SEZ6L: variants seen among roughly 807,000 people sequenced by gnomAD.
SEZ6L encodes the protein seizure 6-like protein.
A neutral mutation model predicts 106.2 loss-of-function variants in SEZ6L; 37 were observed. The observed-to-expected ratio is 0.35, with a 90% confidence interval of 0.27 to 0.46. The LOEUF is 0.46. SEZ6L is among the 20% of genes least tolerant of loss of function. The pLI, the probability that SEZ6L is intolerant of heterozygous loss-of-function variation, is 1.00. For missense variants in SEZ6L, 1,172 were observed against 1,332.8 expected (o/e 0.88, Z 1.88); for synonymous variants, 541 against 570.4 (o/e 0.95, Z 0.73).
intron 13 of SEZ6L, among the ~76,000 whole-genome samples, chr22:26,370,850 A>C (rs1407884962): frequency 6.6e-6 from 1 of 151,994 alleles, no homozygotes; most frequent in African/African-American, 2.4e-5. Flanking sequence ...CAAAAAATCA[A>C]AAAATTAGCG....
chr22:26,246,244 C>A (rs1049802974), intron 1 of SEZ6L, among the ~76,000 whole-genome samples: 2 of 152,146 alleles, frequency 1.3e-5, no homozygotes, highest in Non-Finnish European at 2.9e-5. Flanking sequence ...TGAGTTCAGA[C>A]CCTTGTAAGA....
intron 1 of SEZ6L, among the ~76,000 whole-genome samples, chr22:26,206,299 C>T (rs1941267776): frequency 6.6e-6 from 1 of 152,166 alleles, no homozygotes; most frequent in South Asian, 2.1e-4. Context: ...ACCTCCTTTA[C>T]CCCCAATTCC....
At chr22:26,322,301 G>A (rs901274545) in intron 9 of SEZ6L, among the ~76,000 whole-genome samples, 8 of 152,144 alleles carry the variant, frequency 5.3e-5, no homozygotes, top group African/African-American at 1.2e-4. Flanking sequence ...TAGTAAAGAC[G>A]GAGCACACAC....
At chr22:26,183,735 G>T (rs891008556) in intron 1 of SEZ6L, among the ~76,000 whole-genome samples, 1 of 152,144 alleles carries the variant, frequency 6.6e-6, no homozygotes, top group African/African-American at 2.4e-5. Flanking sequence ...TATATCCTGA[G>T]CAGAACTGCA....
intron 5 of SEZ6L, among the ~76,000 whole-genome samples, chr22:26,302,643 T>C (rs1369394788): frequency 6.6e-6 from 1 of 152,232 alleles, no homozygotes; most frequent in East Asian, 1.9e-4. Flanking sequence ...AGAATTTTTC[T>C]TTCTTTTTTT....
intron 1 of SEZ6L, among the ~76,000 whole-genome samples, chr22:26,174,177 C>A (rs533755626): frequency 6.6e-6 from 1 of 152,108 alleles, no homozygotes; most frequent in Non-Finnish European, 1.5e-5. Flanking sequence ...TGGGACCTCA[C>A]GTGGATGTGT....
intron 10 of SEZ6L, among the ~76,000 whole-genome samples, chr22:26,342,463 G>A (rs3788393): frequency 0.26 from 39,195 of 151,504 alleles, 5,679 homozygotes; most frequent in East Asian, 0.39. Context: ...GCTGAGGCGG[G>A]CAGATTACGA....
chr22:26,335,451 G>A (rs2082616245), intron 9 of SEZ6L, among the ~76,000 whole-genome samples: 1 of 152,160 alleles, frequency 6.6e-6, no homozygotes, highest in African/African-American at 2.4e-5. Flanking sequence ...AAAGGGCATG[G>A]GAGGTAAGGG....
At chr22:26,306,713 C>T (rs1311213164) in intron 6 of SEZ6L, among the ~76,000 whole-genome samples, 5 of 152,150 alleles carry the variant, frequency 3.3e-5, no homozygotes, top group Admixed American at 6.5e-5. Flanking sequence ...CAGTATTATT[C>T]TAGAATATTT....
intron 5 of SEZ6L, 91 bp from the exon 6 acceptor site, chr22:26,305,888 T>TTCTC (rs3070663): frequency 7.5e-6 from 9 of 1,195,254 alleles, no homozygotes; most frequent in Non-Finnish European, 8.2e-6. Context: ...ACTCACTTCC[T>TTCTC]TCTCTCTCTC....
In SEZ6L at chr22:26,245,199, C is replaced by T. The variant is rs78032302; in HGVS notation, c.95-47207C>T. 8.7e-3 allele frequency among the ~76,000 whole-genome samples: 1,331 copies of T among 152,216 alleles called. 12 individuals carry two copies. The highest frequency in any genetic ancestry group is 0.014 in the Non-Finnish European group (932 of 68,004). ...AGGTCTGAGAAGGGATGAAGGGTTT[C>T]CATGGCAACCTTTTGCTTGCCTGTA... On this transcript the variant is annotated intron_variant, in intron 1 of 16. Transcript: ENST00000248933.
intron 12 of SEZ6L, 24 bp from the exon 13 acceptor site, chr22:26,365,348 A>G (rs2083770746): frequency 6.3e-7 from 1 of 1,590,672 alleles, no homozygotes; most frequent in East Asian, 2.3e-5. Flanking sequence ...ATCTCATCAG[A>G]GCTCCTTCTG....
At chr22:26,347,669 C>G in intron 10 of SEZ6L, 50 bp from the exon 11 acceptor site, 2 of 1,508,464 alleles carry the variant, frequency 1.3e-6, no homozygotes, top group Non-Finnish European at 1.8e-6. Context: ...AAGGAGGCCC[C>G]GACAACAAGA....
At chr22:26,229,903 G>T (rs1248379948) in intron 1 of SEZ6L, among the ~76,000 whole-genome samples, 2 of 152,226 alleles carry the variant, frequency 1.3e-5, no homozygotes, top group Non-Finnish European at 2.9e-5. Context: ...AGGTCCTGCA[G>T]CTATTCCAGA....
At chr22:26,296,617 A>G (rs1342217236) in intron 3 of SEZ6L, among the ~76,000 whole-genome samples, 1 of 152,184 alleles carries the variant, frequency 6.6e-6, no homozygotes, top group Non-Finnish European at 1.5e-5. Context: ...CCCCTCTTAC[A>G]GGACACAGCA....
rs1254271534 is a variant in SEZ6L, at chr22:26,340,425, T to C, written c.2016-11T>C. ...ATTTCACATGACTCTCCCTCTTCTCTGCCCTCCAAGCCTGAATCTGAGCAA... is the reference window on the plus strand; with the variant it reads ...ATTTCACATGACTCTCCCTCTTCTCCGCCCTCCAAGCCTGAATCTGAGCAA... On this transcript the variant is annotated splice_polypyrimidine_tract_variant and intron_variant, in intron 9 of 16. Transcript: ENST00000248933. The C allele has an allele frequency of 1.9e-6, 3 of 1,602,948 alleles. No individual in the cohort carries two copies. Among genetic ancestry groups the C allele is most frequent in the Non-Finnish European group, 2.6e-6 (3 of 1,174,862 alleles).
chr22:26,270,834 T>A (rs955891227), intron 1 of SEZ6L, among the ~76,000 whole-genome samples: 1 of 152,090 alleles, frequency 6.6e-6, no homozygotes, highest in African/African-American at 2.4e-5. Context: ...GACAACCTGC[T>A]CCCCAGCCTC....
chr22:26,189,835 C>T (rs533418238), intron 1 of SEZ6L, among the ~76,000 whole-genome samples: 2 of 152,188 alleles, frequency 1.3e-5, no homozygotes, highest in South Asian at 2.1e-4. Context: ...CGGTGGCTCA[C>T]GCCGGTAATC....
intron 16 of SEZ6L, 29 bp downstream of exon 16, chr22:26,377,804 A>G (rs1421511431): frequency 2.1e-6 from 3 of 1,457,896 alleles, no homozygotes; most frequent in Admixed American, 1.7e-5. Context: ...TCTCTTCCCA[A>G]TTCCCTCCCT....
Sources: gnomAD v4.1 joint callset for allele counts (sites outside exome capture counted in the v4.1 genomes callset) on GRCh38, gnomAD v4.1.1 for gene constraint, MANE v1.5 for transcripts, NCBI Gene and HGNC (gene_info 2026-07-23, HGNC 2026-07-21) for gene names.